Variants in GOPC observed in about 807,000 individuals in gnomAD.
The protein encoded by GOPC is golgi associated PDZ and coiled-coil motif containing, also known as Golgi-associated PDZ and coiled-coil motif-containing protein.
GOPC carries 32 observed loss-of-function variants against 51.2 expected under a neutral mutation model. The ratio of observed to expected loss-of-function variants is 0.63; its 90% CI spans 0.47 to 0.84. GOPC has a LOEUF of 0.84. GOPC is among the 40% of genes least tolerant of loss of function. GOPC has a pLI of 0.00. For synonymous variants in GOPC, 190 were observed against 205.1 expected (o/e 0.93, Z 0.63); for missense variants, 441 against 555.5 (o/e 0.79, Z 2.07).
chr6:117,572,226 T>C (rs1464476367), intron 5 of GOPC, among the ~76,000 whole-genome samples: 2 of 152,154 alleles, frequency 1.3e-5, no homozygotes, highest in Non-Finnish European at 2.9e-5. Flanking sequence ...TCCCAGTGAA[T>C]GCCAGATCTC....
Position 117,602,276 on chromosome 6 carries a change from C to T in GOPC, c.13G>A (p.Gly5Ser), listed in dbSNP as rs760511480. 32 of 1,588,798 alleles carry T rather than the reference C, an allele frequency of 2.0e-5. No individual in the cohort carries two copies. The highest frequency in any genetic ancestry group is 1.7e-4 in the Middle Eastern group (1 of 5,866). The change falls in exon 1 of 9, where the codon GGT becomes AGT. Residue 5 changes from glycine (G) to serine (S), a missense_variant. Gly to Ser is a moderately conservative substitution (Grantham distance 56). Transcript: ENST00000368498. ...CCTCCGGCTGCTGCTGGGCATGGAC[C>T]GCCCGCCGACATGGCGCCGTCAAGG... The part of the protein sequence containing the change: MSAG[G>S]PCPAAAGGGP...
intron 1 of GOPC, among the ~76,000 whole-genome samples, chr6:117,588,770 AC>A (rs1468227758): frequency 1.3e-5 from 2 of 150,410 alleles, no homozygotes; most frequent in African/African-American, 4.8e-5. Flanking sequence ...CTACATTTAT[AC>A]TTTTTTTATA....
intron 1 of GOPC, among the ~76,000 whole-genome samples, chr6:117,592,537 G>T (rs1418012746): frequency 6.6e-6 from 1 of 152,090 alleles, no homozygotes; most frequent in Non-Finnish European, 1.5e-5. Context: ...GGCATCCCTT[G>T]GCTTGTAGAT....
intron 1 of GOPC, 84 bp downstream of exon 1, chr6:117,601,920 C>T (rs1772020339): frequency 1.4e-6 from 2 of 1,443,582 alleles, no homozygotes; most frequent in African/African-American, 1.4e-5. Context: ...TTTCTAGGGT[C>T]GTTTCACTGG....
chr6:117,586,959 T>C (rs9766317), intron 1 of GOPC, among the ~76,000 whole-genome samples: 5,426 of 152,318 alleles, frequency 0.036, 128 homozygotes, highest in Non-Finnish European at 0.051. Flanking sequence ...CTATTTTTTC[T>C]TTCTTCTATG....
At chr6:117,583,509 T>G (rs1779989211) in intron 1 of GOPC, among the ~76,000 whole-genome samples, 1 of 152,216 alleles carries the variant, frequency 6.6e-6, no homozygotes, top group African/African-American at 2.4e-5. Flanking sequence ...AGTTTGCAAC[T>G]CCTGTCTCAT....
chr6:117,580,982 C>T (rs1181027344), intron 1 of GOPC, among the ~76,000 whole-genome samples: 2 of 151,760 alleles, frequency 1.3e-5, no homozygotes, highest in African/African-American at 4.8e-5. Context: ...ATAATGAAGC[C>T]ATTGATGGAA....
intron 1 of GOPC, among the ~76,000 whole-genome samples, chr6:117,594,391 C>A (rs1416207215): frequency 6.6e-6 from 1 of 152,162 alleles, no homozygotes; most frequent in Non-Finnish European, 1.5e-5. Context: ...CCTTCTCTGA[C>A]ATCCCAAAAT....
intron 6 of GOPC, chr6:117,569,964 C>A: frequency 2.9e-6 from 1 of 340,704 alleles, no homozygotes; most frequent in Non-Finnish European, 5.1e-6. Context: ...TGTGTTAGTA[C>A]TCCATAGCAC....
Position 117,566,928 on chromosome 6 carries a change from A to C in GOPC, c.1184T>G (p.Leu395Arg). 2 of 1,611,648 alleles carry C rather than the reference A, an allele frequency of 1.2e-6. No individual in the cohort carries two copies. The highest frequency in any genetic ancestry group is 2.2e-5 in the South Asian group (2 of 90,658). ...DESGHRYRLY[L>R]DELEGGGNPG... Reference sequence around the variant, plus strand: ...GTTACCACCTCCTTCTAACTCATCAAGGTACAAACGGTAACGATGTCCACT... The same window carrying C: ...GTTACCACCTCCTTCTAACTCATCACGGTACAAACGGTAACGATGTCCACT... Residue 395 changes from leucine (L) to arginine (R), a missense_variant, in exon 8 of 9, where the codon CTT (leucine) becomes CGT (arginine). Around this residue, in one of 3 missense-constraint regions of GOPC, gnomAD observed 166 missense variants for 267.0 expected, o/e 0.62. Transcript: ENST00000368498.
Position 117,563,281 on chromosome 6 carries a change from G to T in GOPC, c.1362C>A (p.His454Gln), listed in dbSNP as rs1779623775. Residue 454 changes from histidine to glutamine, a missense_variant, in exon 9 of 9, where the codon CAC becomes CAA. Transcript: ENST00000368498. ...AATAAGATTTTTTATGATACAGAGTGTGCAGATCATCTAATTTTGAAGCAC... is the reference window on the plus strand; with the variant it reads ...AATAAGATTTTTTATGATACAGAGTTTGCAGATCATCTAATTTTGAAGCAC... ...DDGASKLDDL[H>Q]TLYHKKSY 7 of 1,612,812 alleles carry T rather than the reference G, an allele frequency of 4.3e-6. No homozygotes were observed. The highest frequency in any genetic ancestry group is 5.9e-6 in the Non-Finnish European group (7 of 1,179,022).
At chr6:117,597,507 A>G (rs1195867422) in intron 1 of GOPC, among the ~76,000 whole-genome samples, 3 of 152,218 alleles carry the variant, frequency 2.0e-5, no homozygotes, top group African/African-American at 7.2e-5. Flanking sequence ...TATTCCAATC[A>G]ATGCCTATGA....
Position 117,561,955 on chromosome 6 carries a change from A to T in GOPC, c.*1299T>A, listed in dbSNP as rs1345595747. ...ACATCTGAATACCAGAAATGAAGAT[A>T]CTGATAATATTCTAAAAGCCTTGTA... On this transcript the variant is annotated 3_prime_UTR_variant, in exon 9 of 9. Transcript: ENST00000368498. 1 of 207,874 alleles carries T rather than the reference A, an allele frequency of 4.8e-6. No individual in the cohort carries two copies. The highest frequency in any genetic ancestry group is 2.3e-5 in the African/African-American group (1 of 43,980). The allele number at this position is 207,874 out of a possible 1,614,324, so 12.9% of individuals were successfully genotyped here. A position where few individuals can be genotyped will look rare whatever the true frequency, so the allele number is the denominator to read the frequency against.
At position 117,586,702 on chromosome 6, in the gene GOPC, C is replaced by T. The variant is rs1024850377; in HGVS notation, c.286-7638G>A. Among the ~76,000 whole-genome samples the T allele has an allele frequency of 9.2e-5, 14 of 151,822 alleles. No homozygotes were observed. In the South Asian group the frequency reaches 1.0e-3, roughly 11 times the overall value. On this transcript the variant is annotated intron_variant, in intron 1 of 8. Transcript: ENST00000368498. ...TTCACTGTGTTAGCCAGGATGGTCT[C>T]GATCTCCTGACCTCGTGATCCGCCC... is the stretch of plus-strand genomic sequence containing the variant.
Position 117,569,689 on chromosome 6 carries a change from C to G in GOPC, c.960G>C (p.Pro320=). Residue 320 remains proline, a synonymous_variant, in exon 7 of 9, where the codon CCG becomes CCC. Coordinates refer to ENST00000368498, the MANE Select transcript of GOPC (RefSeq NM_020399.4). ...GVPILISEIH[P]GQPADRCGGL... is the part of the protein sequence containing the mutation. Reference sequence around the variant, plus strand: ...CTCCGCATCTATCAGCAGGTTGCCCCGGATGGATCTCAGAGATGAGGATTG... The same window carrying G: ...CTCCGCATCTATCAGCAGGTTGCCCGGGATGGATCTCAGAGATGAGGATTG... The G allele has an allele frequency of 6.2e-7, 1 of 1,608,052 alleles. No individual in the cohort carries two copies. The highest frequency in any genetic ancestry group is 1.1e-5 in the South Asian group (1 of 89,586).
intron 4 of GOPC, among the ~76,000 whole-genome samples, chr6:117,574,259 TAAA>T (rs879696961): frequency 2.8e-5 from 4 of 140,488 alleles, no homozygotes; most frequent in Non-Finnish European, 6.2e-5. Flanking sequence ...TCACAAAATT[TAAA>T]AAAAAAAAAA....
At chr6:117,567,182 A>G (rs1307399047) in intron 7 of GOPC, 148 bp from the exon 8 acceptor site, 3 of 564,736 alleles carry the variant, frequency 5.3e-6, no homozygotes, top group Non-Finnish European at 8.8e-6. Flanking sequence ...TCTAGAATCT[A>G]AAGAGGTAGT....
In GOPC at chr6:117,575,481, T is replaced by C. The variant is rs750805816; in HGVS notation, c.475-129A>G. ...ATCTCTATAAAATGGAACACAAAGA[T>C]CTGGATGTAGTTCTTTTGAACTAGT... On this transcript the variant is annotated intron_variant, in intron 3 of 8. Coordinates refer to ENST00000368498, the MANE Select transcript of GOPC (RefSeq NM_020399.4). The C allele has an allele frequency of 1.4e-5, 11 of 805,910 alleles. No homozygotes were observed. In the African/African-American group the frequency reaches 1.8e-4, roughly 13 times the overall value. 49.9% of individuals were successfully genotyped at this position (805,910 alleles called of 1,614,324 possible).
intron 1 of GOPC, among the ~76,000 whole-genome samples, chr6:117,592,159 G>A (rs1003787657): frequency 1.3e-5 from 2 of 152,190 alleles, no homozygotes; most frequent in African/African-American, 4.8e-5. Flanking sequence ...TTGAAGTCAG[G>A]AGTTCGAGAC....
Sources: gnomAD v4.1 joint callset for allele counts (sites outside exome capture counted in the v4.1 genomes callset) on GRCh38, gnomAD v4.1.1 for gene constraint, gnomAD v4.1.1 regional missense constraint, MANE v1.5 for transcripts, NCBI Gene and HGNC (gene_info 2026-07-23, HGNC 2026-07-21) for gene names.